The following MARK1 variants were observed in gnomAD, a reference collection of about 807,000 sequenced individuals.
MARK1 encodes the protein microtubule affinity regulating kinase 1, also known as serine/threonine-protein kinase MARK1.
A neutral mutation model predicts 96.3 loss-of-function variants in MARK1; 40 were observed. The observed-to-expected ratio is 0.42, with a 90% CI of 0.32 to 0.54. MARK1 has a LOEUF of 0.54. MARK1 is among the 20% of genes least tolerant of loss of function. MARK1 has a pLI of 0.16. For missense variants in MARK1, 719 were observed against 984.6 expected (o/e 0.73, Z 3.61); for synonymous variants, 317 against 341.2 (o/e 0.93, Z 0.78).
chr1:220,586,497 A>G (rs557989252), intron 3 of MARK1, among the ~76,000 whole-genome samples: 1 of 152,096 alleles, frequency 6.6e-6, no homozygotes, highest in South Asian at 2.1e-4. Flanking sequence ...TTTATAAATA[A>G]CCACTTTATT....
rs761074703 is a variant in MARK1 at position 220,632,248 on chromosome 1, T to G, written c.1057T>G (p.Leu353Val). Residue 353 changes from leucine to valine, a missense_variant, in exon 11 of 18, where the codon TTA becomes GTA. By Grantham distance (32) the Leu-to-Val change is conservative. Coordinates refer to ENST00000366917, the MANE Select transcript of MARK1 (RefSeq NM_018650.5). ...TGCACGAGATGAAATAAATGATGCC[T>G]TAATAAATCAGAAGTATGATGAAGT... ...GFARDEINDALINQKYDEVMA... is the reference protein window; with the variant it reads ...GFARDEINDAVINQKYDEVMA... 3.2e-6 allele frequency: 5 copies of G among 1,562,510 alleles called. No individual in the cohort carries two copies. The Admixed American group carries it at 7.5e-5, about 23-fold the overall frequency.
At chr1:220,622,842 G>A (rs766852794) in intron 9 of MARK1, among the ~76,000 whole-genome samples, 9 of 152,120 alleles carry the variant, frequency 5.9e-5, no homozygotes, top group East Asian at 3.9e-4. Flanking sequence ...CCATGATTGC[G>A]CCACTGGACT....
At chr1:220,629,537 C>T (rs1667552671) in intron 9 of MARK1, among the ~76,000 whole-genome samples, 1 of 151,976 alleles carries the variant, frequency 6.6e-6, no homozygotes, top group Non-Finnish European at 1.5e-5. Flanking sequence ...CCCATTTCTC[C>T]CTCATCAGCC....
At chr1:220,573,652 G>A (rs1011346449) in intron 1 of MARK1, among the ~76,000 whole-genome samples, 3 of 151,964 alleles carry the variant, frequency 2.0e-5, no homozygotes, top group African/African-American at 7.2e-5. Context: ...GTCTTCCTGT[G>A]TCCCAGTTGT....
chr1:220,552,139 T>C (rs189461055), intron 1 of MARK1, among the ~76,000 whole-genome samples: 18 of 152,358 alleles, frequency 1.2e-4, no homozygotes, highest in East Asian at 1.2e-3. Context: ...CCTCTTTTTT[T>C]GCCTATTGAT....
chr1:220,591,340 C>G (rs1379241609), intron 3 of MARK1, among the ~76,000 whole-genome samples: 1 of 152,144 alleles, frequency 6.6e-6, no homozygotes, highest in Non-Finnish European at 1.5e-5. Context: ...TGAGATATGT[C>G]CCAGCCGATT....
intron 13 of MARK1, among the ~76,000 whole-genome samples, chr1:220,646,957 G>A (rs1668610252): frequency 6.6e-6 from 1 of 152,146 alleles, no homozygotes; most frequent in South Asian, 2.1e-4. Context: ...ATCCCTAGAA[G>A]AAAATCTAGG....
intron 16 of MARK1, 122 bp downstream of exon 16, chr1:220,653,474 T>C (rs1669000822): frequency 9.5e-7 from 1 of 1,048,782 alleles, no homozygotes; most frequent in Non-Finnish European, 1.3e-6. Flanking sequence ...TTAGAGCTGC[T>C]CTTTTACAGA....
chr1:220,619,177 G>A (rs777791175), intron 9 of MARK1, among the ~76,000 whole-genome samples: 2 of 152,164 alleles, frequency 1.3e-5, no homozygotes, highest in African/African-American at 2.4e-5. Flanking sequence ...TTGATATCTA[G>A]CATTTAAAAA....
At chr1:220,534,203 T>C (rs1377742259) in intron 1 of MARK1, among the ~76,000 whole-genome samples, 1 of 152,066 alleles carries the variant, frequency 6.6e-6, no homozygotes, top group African/African-American at 2.4e-5. Flanking sequence ...AGTGCATATT[T>C]TGGGGGTATA....
chr1:220,618,989 C>T lies in MARK1; in HGVS notation c.909+234C>T, dbSNP rs1036086640. On this transcript the variant is annotated intron_variant, in intron 9 of 17. Transcript: ENST00000366917. The surrounding 1 kb of genome is among the most constrained non-coding windows in gnomAD (Gnocchi z 4.6). ...TCTGCAGTGCCGTATTAAATAAAAACAACACAAAAATAGAGGTTGACTTTT... is the reference window on the plus strand; with the variant it reads ...TCTGCAGTGCCGTATTAAATAAAAATAACACAAAAATAGAGGTTGACTTTT... Among the ~76,000 whole-genome samples the T allele has an allele frequency of 2.0e-5, 3 of 152,074 alleles. No homozygotes were observed. Among genetic ancestry groups the T allele is most frequent in the Admixed American group, 6.6e-5 (1 of 15,256 alleles).
chr1:220,548,372 A>G (rs1282025595), intron 1 of MARK1, among the ~76,000 whole-genome samples: 3 of 152,264 alleles, frequency 2.0e-5, no homozygotes, highest in East Asian at 1.9e-4. Flanking sequence ...TTTACTAAAT[A>G]TAACTGAAAT....
intron 9 of MARK1, among the ~76,000 whole-genome samples, chr1:220,629,963 C>T (rs1003585099): frequency 9.2e-5 from 14 of 151,934 alleles, no homozygotes; most frequent in African/African-American, 3.4e-4. Flanking sequence ...GGATAAATAC[C>T]CAGAAGTGGG....
chr1:220,611,884 C>T (rs1426209180), intron 6 of MARK1, among the ~76,000 whole-genome samples: 2 of 152,054 alleles, frequency 1.3e-5, no homozygotes, highest in Non-Finnish European at 2.9e-5. Flanking sequence ...AGGCACACAC[C>T]ACCACGCCCA....
At chr1:220,580,475 C>CA (rs1056217629) in intron 2 of MARK1, among the ~76,000 whole-genome samples, 35 of 143,208 alleles carry the variant, frequency 2.4e-4, no homozygotes, top group South Asian at 4.5e-4. Context: ...GATCCTGTCT[C>CA]AAAAAAAAAA....
intron 15 of MARK1, 89 bp downstream of exon 15, chr1:220,652,239 T>A: frequency 2.9e-6 from 3 of 1,018,716 alleles, no homozygotes; most frequent in Non-Finnish European, 4.2e-6. Flanking sequence ...ACCATCACAT[T>A]AAGACCTTTC....
intron 6 of MARK1, among the ~76,000 whole-genome samples, chr1:220,607,943 G>A (rs907480472): frequency 2.0e-5 from 3 of 152,134 alleles, no homozygotes; most frequent in African/African-American, 7.2e-5. Context: ...ATGTGCTGCT[G>A]GATTTGGTTT....
At chr1:220,645,519 A>G (rs1472939503) in intron 13 of MARK1, among the ~76,000 whole-genome samples, 2 of 152,222 alleles carry the variant, frequency 1.3e-5, no homozygotes, top group East Asian at 3.8e-4. Flanking sequence ...TTCTGAAACT[A>G]TTCCAAACAA....
At chr1:220,631,172 G>A in intron 10 of MARK1, 38 bp downstream of exon 10, 2 of 1,442,424 alleles carry the variant, frequency 1.4e-6, no homozygotes, top group Non-Finnish European at 1.9e-6. Flanking sequence ...CTGTCCCTAG[G>A]CAACAAGTAA....
Sources: gnomAD v4.1 joint callset for allele counts (sites outside exome capture counted in the v4.1 genomes callset) on GRCh38, gnomAD v4.1.1 for gene constraint, Gnocchi (gnomAD v3.1) non-coding constraint, MANE v1.5 for transcripts, NCBI Gene and HGNC (gene_info 2026-07-23, HGNC 2026-07-21) for gene names.